HPS5: variants seen among roughly 807,000 people sequenced by gnomAD.
The protein encoded by HPS5 is BLOC-2 complex member HPS5.
HPS5 carries 83 observed loss-of-function variants against 128.0 expected under a neutral mutation model. That is an observed-to-expected ratio of 0.65 (90% CI 0.54 to 0.78). HPS5 has a LOEUF of 0.78. Ranked by LOEUF, HPS5 falls within the 30% of genes least tolerant of loss-of-function variation. The pLI, the probability that HPS5 is intolerant of heterozygous loss-of-function variation, is 0.00. For missense variants in HPS5, 1,281 were observed against 1,326.2 expected, an observed-to-expected ratio of 0.97 and a Z score of 0.53; for synonymous variants, 475 against 470.2, an observed-to-expected ratio of 1.01 and a Z score of -0.13.
chr11:18,298,643 T>G, intron 10 of HPS5, 149 bp downstream of exon 10: 1 of 763,254 alleles, frequency 1.3e-6, no homozygotes, highest in South Asian at 1.5e-5. Context: ...CCTAGATATA[T>G]CTATCATGCT....
chr11:18,301,245 C>G (rs533099197), intron 8 of HPS5, among the ~76,000 whole-genome samples: 1 of 152,062 alleles, frequency 6.6e-6, no homozygotes, highest in Non-Finnish European at 1.5e-5. Context: ...CACTTGAGGT[C>G]AGGAGTTTGA....
intron 8 of HPS5, among the ~76,000 whole-genome samples, chr11:18,301,454 C>CAAAAAAA (rs899074500): frequency 5.8e-5 from 3 of 52,058 alleles, no homozygotes; most frequent in Non-Finnish European, 7.9e-5. Context: ...GACTCTGTCT[C>CAAAAAAA]AAAAAAAAAA....
At position 18,290,226 on chromosome 11, in the gene HPS5, C is replaced by T. The variant is rs1860233459; in HGVS notation, c.2440+1216G>A. Among the ~76,000 whole-genome samples the T allele has an allele frequency of 2.0e-5, 3 of 152,210 alleles. No homozygotes were observed. The South Asian group carries it at 6.2e-4, about 32-fold the overall frequency. ...CTTGGAATGCTAGAATGCTGAATTA[C>T]CACCTGGGAGACAGCTACCCACTGA... On this transcript the variant is annotated intron_variant, in intron 16 of 22. Transcript: ENST00000349215.
At chr11:18,282,465 A>T (rs1286285809) in intron 21 of HPS5, among the ~76,000 whole-genome samples, 1 of 151,530 alleles carries the variant, frequency 6.6e-6, no homozygotes, top group African/African-American at 2.4e-5. Context: ...GGGTCTCACT[A>T]CCATGTTGCC....
Position 18,311,274 on chromosome 11 carries a change from T to C in HPS5, c.284+113A>G, listed in dbSNP as rs142800829. The C allele has an allele frequency of 2.2e-4, 175 of 796,048 alleles. No homozygotes were observed. The African/African-American group carries it at 2.4e-3, about 11-fold the overall frequency. 49.3% of individuals were successfully genotyped at this position (796,048 alleles called of 1,614,324 possible). ...TTCCTGAGACACAGGAGTTTCACTG[T>C]TAAAACCGGGACAATCCTAGGCAAA... On this transcript the variant is annotated intron_variant, in intron 4 of 22. Transcript: ENST00000349215.
intron 2 of HPS5, among the ~76,000 whole-genome samples, chr11:18,317,493 T>A (rs1863780190): frequency 6.6e-6 from 1 of 152,130 alleles, no homozygotes; most frequent in African/African-American, 2.4e-5. Flanking sequence ...TTGCCTCAAG[T>A]GATCCACCCA....
chr11:18,297,026 T>C, intron 11 of HPS5, 42 bp from the exon 12 acceptor site: 1 of 1,303,000 alleles, frequency 7.7e-7, no homozygotes, highest in Non-Finnish European at 1.1e-6. Context: ...AGGTAAAAAT[T>C]TCCTTTATAA....
chr11:18,317,794 T>C lies in HPS5; in HGVS notation c.65A>G (p.Asp22Gly). The C allele has an allele frequency of 6.2e-7, 1 of 1,613,864 alleles. No homozygotes were observed. The change falls in exon 2 of 23, where the codon GAT becomes GGT. Residue 22 changes from aspartate (D) to glycine (G), a missense_variant. Physicochemically the swap from Asp to Gly is moderately conservative, Grantham distance 94. Transcript: ENST00000349215. ...CAGCCGCAGGGCTGAGAGTAATGGA[T>C]CCAGAGATTCAAACTCTGCAAGAAC... ...SHVLAEFESL[D>G]PLLSALRLDS...
At chr11:18,294,883 T>C (rs1860866730) in intron 14 of HPS5, 137 bp downstream of exon 14, 1 of 820,336 alleles carries the variant, frequency 1.2e-6, no homozygotes. Flanking sequence ...TACAAATTTG[T>C]GTTGGGCCAC....
intron 6 of HPS5, among the ~76,000 whole-genome samples, chr11:18,307,075 G>C (rs1023561457): frequency 1.3e-5 from 2 of 152,130 alleles, no homozygotes; most frequent in Non-Finnish European, 2.9e-5. Context: ...TGCTTTCATA[G>C]CACTTATGAC....
At chr11:18,281,844 G>C in intron 22 of HPS5, 106 bp downstream of exon 22, 2 of 1,279,796 alleles carry the variant, frequency 1.6e-6, no homozygotes, top group Non-Finnish European at 2.3e-6. Flanking sequence ...GTCTCCTCAT[G>C]TTAGTGATGG....
chr11:18,283,328 TA>T (rs34748325), intron 21 of HPS5, among the ~76,000 whole-genome samples: 7,697 of 124,402 alleles, frequency 0.062, 408 homozygotes, highest in East Asian at 0.35. Context: ...AATGGGAAAT[TA>T]AAAAAAAAAA....
intron 19 of HPS5, 63 bp downstream of exon 19, chr11:18,286,524 AGAGT>A: frequency 6.7e-7 from 1 of 1,493,298 alleles, no homozygotes; most frequent in South Asian, 1.2e-5. Context: ...CCTAGGCGAC[AGAGT>A]GAGATCCTGT....
Position 18,297,717 on chromosome 11 carries a change from C to A in HPS5, c.1165G>T (p.Ala389Ser). 1 of 1,613,370 alleles carries A rather than the reference C, an allele frequency of 6.2e-7. No homozygotes were observed. Among genetic ancestry groups the A allele is most frequent in the Non-Finnish European group, 8.5e-7 (1 of 1,179,590 alleles). Residue 389 changes from alanine to serine, a missense_variant and splice_region_variant, in exon 11 of 23, where the codon GCA (alanine) becomes TCA (serine). By Grantham distance (99) the Ala-to-Ser change is moderately conservative. Coordinates refer to ENST00000349215, the MANE Select transcript of HPS5 (RefSeq NM_181507.2). ...TTATCTGCAGTCAAAGTTTTTCTTGCCTAATAAAACAACAGCGCAATGGAA... is the reference window on the plus strand; with the variant it reads ...TTATCTGCAGTCAAAGTTTTTCTTGACTAATAAAACAACAGCGCAATGGAA... Reference protein sequence around the residue: ...LFQNSVIASRARKTLTADKLE... With the variant: ...LFQNSVIASRSRKTLTADKLE...
intron 8 of HPS5, among the ~76,000 whole-genome samples, chr11:18,302,822 CG>C (rs1222065101): frequency 0.012 from 20 of 1,602 alleles, 1 homozygote; most frequent in East Asian, 0.069. Flanking sequence ...AGAAAAAAAG[CG>C]GGGGGGGGGG....
In HPS5 at chr11:18,279,613, T is replaced by G. The variant is rs768182898; in HGVS notation, c.*269A>C. On this transcript the variant is annotated 3_prime_UTR_variant, in exon 23 of 23. Coordinates refer to ENST00000349215, the MANE Select transcript of HPS5 (RefSeq NM_181507.2). ...GAATAATACTAGGACATTAACATTCTAATTCCAGCAAACAAGGACTGACTC... is the reference window on the plus strand; with the variant it reads ...GAATAATACTAGGACATTAACATTCGAATTCCAGCAAACAAGGACTGACTC... 3.9e-5 allele frequency: 20 copies of G among 507,086 alleles called. No individual in the cohort carries two copies. Among genetic ancestry groups the G allele is most frequent in the Non-Finnish European group, 2.1e-5 (6 of 280,754 alleles). The allele number at this position is 507,086 out of a possible 1,614,324, so 31.4% of individuals were successfully genotyped here.
intron 22 of HPS5, among the ~76,000 whole-genome samples, chr11:18,281,245 AT>A (rs1858882842): frequency 7.0e-6 from 1 of 143,832 alleles, no homozygotes; most frequent in South Asian, 2.2e-4. Context: ...TGTCCAGTTA[AT>A]TTTTTTGCAT....
intron 22 of HPS5, chr11:18,280,544 C>A: frequency 1.4e-6 from 1 of 698,256 alleles, no homozygotes; most frequent in Non-Finnish European, 2.6e-6. Flanking sequence ...AGGTATATAC[C>A]CGAAAGAACT....
intron 9 of HPS5, among the ~76,000 whole-genome samples, chr11:18,300,574 G>A (rs963423415): frequency 1.3e-5 from 2 of 151,782 alleles, no homozygotes; most frequent in African/African-American, 2.4e-5. Flanking sequence ...GTGCGTGCCT[G>A]TAATCCCAGC....
Sources: allele counts gnomAD v4.1 joint callset (sites outside exome capture counted in the v4.1 genomes callset), GRCh38; gene constraint gnomAD v4.1.1; transcripts MANE v1.5; gene names NCBI Gene and HGNC (gene_info 2026-07-23, HGNC 2026-07-21).